TGFA: variants seen among roughly 807,000 people sequenced by gnomAD.
The protein encoded by TGFA is protransforming growth factor alpha.
A neutral mutation model predicts 21.7 loss-of-function variants in TGFA; 12 were observed. The observed-to-expected ratio is 0.55, with a 90% CI of 0.35 to 0.90. The LOEUF (loss-of-function observed/expected upper bound fraction) is 0.90. Ranked by LOEUF, TGFA falls within the 40% of genes least tolerant of loss-of-function variation. The pLI, the probability that TGFA is intolerant of heterozygous loss-of-function variation, is 0.01. For missense variants in TGFA, 178 were observed against 210.8 expected, an observed-to-expected ratio of 0.84 and a Z score of 0.96; for synonymous variants, 79 against 88.1, an observed-to-expected ratio of 0.90 and a Z score of 0.58.
chr2:70,456,225 A>G, intron 4 of TGFA, 114 bp downstream of exon 4: 1 of 1,360,406 alleles, frequency 7.4e-7, no homozygotes, highest in East Asian at 2.5e-5. Flanking sequence ...GACAGCACTC[A>G]GACATCCCAG....
chr2:70,456,594 C>T (rs1670237795), intron 3 of TGFA, 106 bp from the exon 4 acceptor site: 1 of 1,360,476 alleles, frequency 7.4e-7, no homozygotes, highest in South Asian at 1.5e-5. Flanking sequence ...CAGGTAAAGC[C>T]CAAAGGGGCC....
intron 4 of TGFA, among the ~76,000 whole-genome samples, chr2:70,454,276 C>T (rs782771903): frequency 3.9e-5 from 6 of 152,230 alleles, no homozygotes; most frequent in Non-Finnish European, 7.3e-5. Context: ...ATTCCCATCC[C>T]AGCCCCTGTC....
chr2:70,551,281 GGTCTGCC>G (rs1360393392), intron 1 of TGFA, among the ~76,000 whole-genome samples: 6 of 152,148 alleles, frequency 3.9e-5, no homozygotes, highest in Admixed American at 3.9e-4. Context: ...GCCCCCGTGC[GGTCTGCC>G]TGCCAGTGAT....
chr2:70,466,002 G>C (rs782703283), intron 2 of TGFA, among the ~76,000 whole-genome samples: 3 of 152,222 alleles, frequency 2.0e-5, no homozygotes, highest in Non-Finnish European at 4.4e-5. Flanking sequence ...AGACAACAGA[G>C]CAATTTTACT....
chr2:70,493,568 C>G lies in TGFA; in HGVS notation c.94+21291G>C, dbSNP rs1553497971. On this transcript the variant is annotated intron_variant, in intron 2 of 5. Transcript: ENST00000295400. ...CCCTCTGAAATGTTCCAGAATCCCCCATATGAGAACACACTATTCACCCAA... is the reference window on the plus strand; with the variant it reads ...CCCTCTGAAATGTTCCAGAATCCCCGATATGAGAACACACTATTCACCCAA... Among the ~76,000 whole-genome samples, 3 of 152,162 alleles carry G rather than the reference C, an allele frequency of 2.0e-5. 1 individual carries two copies. Among genetic ancestry groups the G allele is most frequent in the Non-Finnish European group, 4.4e-5 (3 of 68,026 alleles).
intron 2 of TGFA, among the ~76,000 whole-genome samples, chr2:70,471,645 G>T (rs11466236): frequency 0.023 from 3,450 of 152,318 alleles, 154 homozygotes; most frequent in African/African-American, 0.08. Context: ...AGGCACTTTG[G>T]TGAAGGTAGG....
chr2:70,541,322 C>T (rs1673125697), intron 1 of TGFA, among the ~76,000 whole-genome samples: 1 of 152,096 alleles, frequency 6.6e-6, no homozygotes, highest in Admixed American at 6.5e-5. Context: ...GAAATATTTT[C>T]CCCATATACT....
intron 5 of TGFA, among the ~76,000 whole-genome samples, chr2:70,451,086 T>G (rs1670041122): frequency 6.8e-6 from 1 of 146,666 alleles, no homozygotes; most frequent in African/African-American, 2.6e-5. Context: ...TGATTGAAAG[T>G]GAGTGAGTGA....
chr2:70,495,457 G>A (rs950900650), intron 2 of TGFA, among the ~76,000 whole-genome samples: 5 of 152,196 alleles, frequency 3.3e-5, no homozygotes, highest in Admixed American at 2.6e-4. Context: ...TGTGGAAAGA[G>A]TAACTAGAAC....
At chr2:70,471,114 CCCCA>C (rs1670733561) in intron 2 of TGFA, among the ~76,000 whole-genome samples, 1 of 141,178 alleles carries the variant, frequency 7.1e-6, no homozygotes, top group Non-Finnish European at 1.5e-5. Context: ...CCCGCACCCC[CCCCA>C]CCATATAACC....
At chr2:70,553,311 G>A in intron 1 of TGFA, 1 of 1,513,602 alleles carries the variant, frequency 6.6e-7, no homozygotes, top group Non-Finnish European at 8.8e-7. Flanking sequence ...CCCGGCCAGA[G>A]GGTTAGACGC....
intron 4 of TGFA, among the ~76,000 whole-genome samples, chr2:70,454,856 A>G (rs1451267768): frequency 6.6e-6 from 1 of 152,154 alleles, no homozygotes; most frequent in Non-Finnish European, 1.5e-5. Flanking sequence ...TTTCCAGACA[A>G]TCTGCCAAAA....
intron 2 of TGFA, among the ~76,000 whole-genome samples, chr2:70,501,727 T>A (rs1198449019): frequency 6.6e-6 from 1 of 152,230 alleles, no homozygotes; most frequent in Non-Finnish European, 1.5e-5. Flanking sequence ...ATTTTCCATC[T>A]TTATACATTT....
intron 1 of TGFA, among the ~76,000 whole-genome samples, chr2:70,518,220 C>T (rs1223971731): frequency 6.6e-6 from 1 of 152,208 alleles, no homozygotes; most frequent in Non-Finnish European, 1.5e-5. Flanking sequence ...CCTTCTAGGC[C>T]ACTCCTGCTG....
rs917238533 is a variant in TGFA, at chr2:70,486,363, A to C, written c.95-20627T>G. 7.2e-5 allele frequency among the ~76,000 whole-genome samples: 11 copies of C among 152,218 alleles called. No homozygotes were observed. In the East Asian group the frequency reaches 2.1e-3, roughly 29 times the overall value. On this transcript the variant is annotated intron_variant, in intron 2 of 5. Transcript: ENST00000295400. ...ACTCCTCTTGGTTGTATGAGACCCC[A>C]ACCACAAACACCAAAGCTGTCTCTC...
At chr2:70,506,439 C>T (rs1468203149) in intron 2 of TGFA, among the ~76,000 whole-genome samples, 6 of 152,144 alleles carry the variant, frequency 3.9e-5, no homozygotes, top group African/African-American at 1.4e-4. Context: ...GGATCGCATG[C>T]TGTAAGGGCC....
chr2:70,543,461 G>A (rs1341547040), intron 1 of TGFA, among the ~76,000 whole-genome samples: 3 of 151,812 alleles, frequency 2.0e-5, no homozygotes, highest in African/African-American at 7.3e-5. Flanking sequence ...AGGAGGCAGA[G>A]GTTGCAGTGA....
At chr2:70,521,856 A>T (rs1167590230) in intron 1 of TGFA, among the ~76,000 whole-genome samples, 2 of 151,772 alleles carry the variant, frequency 1.3e-5, no homozygotes, top group South Asian at 2.1e-4. Flanking sequence ...TTCATGATTC[A>T]CCTGCCTTGG....
chr2:70,493,785 G>C (rs1671501982), intron 2 of TGFA, among the ~76,000 whole-genome samples: 1 of 152,196 alleles, frequency 6.6e-6, no homozygotes, highest in Admixed American at 6.5e-5. Context: ...TGAAGAAAAG[G>C]AGCTCTAAAG....
Sources: allele counts gnomAD v4.1 joint callset (sites outside exome capture counted in the v4.1 genomes callset), GRCh38; gene constraint gnomAD v4.1.1; transcripts MANE v1.5; gene names NCBI Gene and HGNC (gene_info 2026-07-23, HGNC 2026-07-21).